Variants in GRIA1 observed in about 807,000 individuals in gnomAD.
GRIA1 encodes the protein glutamate ionotropic receptor AMPA type subunit 1.
Under a neutral mutation model 99.2 loss-of-function variants are expected in GRIA1, and 31 were observed. That is an observed-to-expected ratio of 0.31 (90% CI 0.23 to 0.42). GRIA1 has a LOEUF of 0.42. Among genes scored for constraint, GRIA1 ranks in the 10% least tolerant of loss-of-function variants. GRIA1 has a pLI of 1.00. For synonymous variants in GRIA1, 438 were observed against 432.4 expected (o/e 1.01, Z -0.16); for missense variants, 782 against 1,157.5 (o/e 0.68, Z 4.71).
At chr5:153,624,744 C>G (rs1246579901) in intron 2 of GRIA1, among the ~76,000 whole-genome samples, 1 of 152,200 alleles carries the variant, frequency 6.6e-6, no homozygotes, top group Non-Finnish European at 1.5e-5. Context: ...TTACTCATCC[C>G]TACCAGATTA....
At chr5:153,808,174 G>A (rs181314280) in intron 15 of GRIA1, among the ~76,000 whole-genome samples, 1 of 152,286 alleles carries the variant, frequency 6.6e-6, no homozygotes, top group Admixed American at 6.5e-5. Context: ...CACTGTTAGG[G>A]AAATAAGGTC....
chr5:153,519,119 C>G lies in GRIA1; in HGVS notation c.220+25054C>G, dbSNP rs573723028. On this transcript the variant is annotated intron_variant, in intron 2 of 15. Coordinates refer to ENST00000285900, the MANE Select transcript of GRIA1 (RefSeq NM_000827.4). ...CTCTACCAAAAATACAAAAAATTAG[C>G]CGGGCATGATGGCACGCACCTGTAG... Among the ~76,000 whole-genome samples the G allele has an allele frequency of 3.9e-5, 6 of 152,168 alleles. No homozygotes were observed. The South Asian group carries it at 1.2e-3, about 32-fold the overall frequency.
intron 11 of GRIA1, among the ~76,000 whole-genome samples, chr5:153,706,544 G>A (rs1158692980): frequency 6.6e-6 from 1 of 152,188 alleles, no homozygotes; most frequent in Non-Finnish European, 1.5e-5. Context: ...ACAGCTAGTA[G>A]GCAAGTGAGT....
chr5:153,617,527 A>C (rs1396504184), intron 2 of GRIA1, among the ~76,000 whole-genome samples: 2 of 152,226 alleles, frequency 1.3e-5, no homozygotes, highest in Non-Finnish European at 2.9e-5. Context: ...AGGGTTGTAC[A>C]GCTTGAGTAG....
intron 2 of GRIA1, among the ~76,000 whole-genome samples, chr5:153,512,701 G>C (rs1185123949): frequency 6.6e-6 from 1 of 152,194 alleles, no homozygotes; most frequent in African/African-American, 2.4e-5. Context: ...ACCACCGTTA[G>C]AAAGTCATCT....
At chr5:153,617,429 G>A (rs1221259161) in intron 2 of GRIA1, among the ~76,000 whole-genome samples, 3 of 152,244 alleles carry the variant, frequency 2.0e-5, no homozygotes, top group East Asian at 3.9e-4. Context: ...ATTCTTTTTG[G>A]GGAAGATTTC....
chr5:153,705,226 C>T (rs1758804247), intron 10 of GRIA1, among the ~76,000 whole-genome samples: 1 of 152,170 alleles, frequency 6.6e-6, no homozygotes. Context: ...CCATTTGAGT[C>T]CTATGTCATC....
intron 11 of GRIA1, among the ~76,000 whole-genome samples, chr5:153,726,071 T>C (rs146120755): frequency 0.12 from 18,804 of 151,508 alleles, 1,234 homozygotes; most frequent in Middle Eastern, 0.26. Flanking sequence ...AAACTAGAAC[T>C]CAGGATTAAG....
At chr5:153,743,081 GC>G (rs59451025) in intron 11 of GRIA1, among the ~76,000 whole-genome samples, 2,465 of 152,286 alleles carry the variant, frequency 0.016, 74 homozygotes, top group African/African-American at 0.057. Flanking sequence ...ATCCCAAGCA[GC>G]CTGAAAGTGA....
chr5:153,526,602 GT>G (rs1402647731), intron 2 of GRIA1, among the ~76,000 whole-genome samples: 2 of 152,242 alleles, frequency 1.3e-5, no homozygotes, highest in East Asian at 3.8e-4. Flanking sequence ...CAGCAGGAAT[GT>G]TATCATGGAT....
chr5:153,653,466 G>A (rs913580670), intron 4 of GRIA1, among the ~76,000 whole-genome samples: 1 of 152,140 alleles, frequency 6.6e-6, no homozygotes. Context: ...TAAACAATGG[G>A]GAGTCAGTGA....
chr5:153,492,420 C>A, intron 1 of GRIA1: 1 of 1,030,390 alleles, frequency 9.7e-7, no homozygotes, highest in Non-Finnish European at 1.3e-6. Context: ...CCCATCCTTT[C>A]TCTTTCATTC....
intron 11 of GRIA1, among the ~76,000 whole-genome samples, chr5:153,752,473 A>G (rs973568408): frequency 6.6e-6 from 1 of 152,188 alleles, no homozygotes; most frequent in African/African-American, 2.4e-5. Flanking sequence ...GATGATGATG[A>G]TGGCTTAACA....
At chr5:153,792,391 C>A (rs1369355307) in intron 13 of GRIA1, among the ~76,000 whole-genome samples, 16 of 152,200 alleles carry the variant, frequency 1.1e-4, no homozygotes, top group Admixed American at 1.0e-3. Flanking sequence ...TAGTTCACAG[C>A]AAAAATGAGA....
intron 2 of GRIA1, among the ~76,000 whole-genome samples, chr5:153,516,049 T>G (rs921374652): frequency 1.3e-5 from 2 of 151,932 alleles, no homozygotes; most frequent in Non-Finnish European, 2.9e-5. Flanking sequence ...TGAAACCCTG[T>G]CTCTACTAAA....
At position 153,802,639 on chromosome 5, in the gene GRIA1, C is replaced by CG. The variant is rs1205892325; in HGVS notation, c.2520+153dup. The CG allele has an allele frequency of 3.7e-6, 3 of 807,816 alleles. No homozygotes were observed. The African/African-American group carries it at 5.1e-5, about 14-fold the overall frequency. The allele number at this position is 807,816 out of a possible 1,614,324, so 50.0% of individuals were successfully genotyped here. On this transcript the variant is annotated intron_variant, in intron 15 of 15. Transcript: ENST00000285900. ...CAGGAAGCTGTTACGAGGAAGGTGA[C>CG]GGGGACAAAGGCAGCCATGAGAAAG...
chr5:153,512,750 T>C (rs979867682), intron 2 of GRIA1, among the ~76,000 whole-genome samples: 1 of 152,206 alleles, frequency 6.6e-6, no homozygotes, highest in Non-Finnish European at 1.5e-5. Flanking sequence ...ATCCGTTGAA[T>C]AGCAAAGACA....
At chr5:153,506,977 A>G (rs1755569531) in intron 2 of GRIA1, among the ~76,000 whole-genome samples, 1 of 152,010 alleles carries the variant, frequency 6.6e-6, no homozygotes, top group African/African-American at 2.4e-5. Flanking sequence ...TACAAAAAAT[A>G]GCTGGCATGG....
intron 13 of GRIA1, among the ~76,000 whole-genome samples, 164 bp downstream of exon 13, chr5:153,770,579 C>T (rs1763813113): frequency 6.6e-6 from 1 of 152,202 alleles, no homozygotes; most frequent in East Asian, 1.9e-4. Flanking sequence ...CCAAGATCTT[C>T]AGCCCTGAGG....
Sources: gnomAD v4.1 joint callset for allele counts (sites outside exome capture counted in the v4.1 genomes callset) on GRCh38, gnomAD v4.1.1 for gene constraint, MANE v1.5 for transcripts, NCBI Gene and HGNC (gene_info 2026-07-23, HGNC 2026-07-21) for gene names.